ITGA11: variants seen among roughly 807,000 people sequenced by gnomAD.
The protein encoded by ITGA11 is integrin alpha-11.
ITGA11 carries 97 observed loss-of-function variants against 141.9 expected under a neutral mutation model. The observed-to-expected ratio is 0.68, with a 90% CI of 0.58 to 0.81. The LOEUF (loss-of-function observed/expected upper bound fraction) is 0.81. ITGA11 is among the 30% of genes least tolerant of loss of function. The pLI, the probability that ITGA11 is intolerant of heterozygous loss-of-function variation, is 0.00. For synonymous variants in ITGA11, 658 were observed against 624.6 expected (o/e 1.05, Z -0.80); for missense variants, 1,387 against 1,559.2 (o/e 0.89, Z 1.86).
At chr15:68,424,745 C>T (rs560951291) in intron 1 of ITGA11, among the ~76,000 whole-genome samples, 40 of 152,222 alleles carry the variant, frequency 2.6e-4, no homozygotes, top group African/African-American at 7.2e-4. Context: ...TTGGGGCTGC[C>T]GAAAGGCCAG....
rs1893928345 is a variant in ITGA11 at position 68,325,099 on chromosome 15, G to T, written c.2322+32C>A. On this transcript the variant is annotated intron_variant, in intron 18 of 29. Coordinates refer to ENST00000315757, the MANE Select transcript of ITGA11 (RefSeq NM_001004439.2). The surrounding 1 kb of genome is among the most constrained non-coding windows in gnomAD (Gnocchi z 5.5). ...AGGTGGAGGTGGGGGTGGGGTTCATGCCCGAGGTGCGTGCCCTGTACCGAG... is the reference window on the plus strand; with the variant it reads ...AGGTGGAGGTGGGGGTGGGGTTCATTCCCGAGGTGCGTGCCCTGTACCGAG... The T allele has an allele frequency of 6.6e-7, 1 of 1,524,032 alleles. No individual in the cohort carries two copies. The highest frequency in any genetic ancestry group is 1.4e-5 in the African/African-American group (1 of 73,254). 94.4% of individuals were successfully genotyped at this position (1,524,032 alleles called of 1,614,324 possible). A position where few individuals can be genotyped will look rare whatever the true frequency, so the allele number is the denominator to read the frequency against.
chr15:68,326,622 C>G lies in ITGA11; in HGVS notation c.2211+32G>C. On this transcript the variant is annotated intron_variant, in intron 17 of 29. Transcript: ENST00000315757. The surrounding 1 kb of genome is among the most constrained non-coding windows in gnomAD (Gnocchi z 6.8). ...CGGCAGATGCTCCTTCCTATAGGAG[C>G]TTGGGCTCTGCTGGTGGGGCTGCCA... The G allele has an allele frequency of 6.4e-7, 1 of 1,564,790 alleles. No individual in the cohort carries two copies.
rs1398862820 is a variant in ITGA11, at chr15:68,339,490, G to A, written c.1276+10C>T. The A allele has an allele frequency of 2.5e-6, 4 of 1,609,762 alleles. No homozygotes were observed. The highest frequency in any genetic ancestry group is 3.4e-6 in the Non-Finnish European group (4 of 1,178,042). ...CGACCCGCCAGCCTCCCCTCACTCT[G>A]CGCTCTTACCCAGGTATGCACCATG... is the stretch of plus-strand genomic sequence containing the variant. On this transcript the variant is annotated intron_variant, in intron 11 of 29. Transcript: ENST00000315757.
chr15:68,318,954 CT>C (rs1893695584), intron 20 of ITGA11, among the ~76,000 whole-genome samples: 1 of 152,246 alleles, frequency 6.6e-6, no homozygotes, highest in Admixed American at 6.5e-5. Context: ...GTGCCCAGCT[CT>C]GGACACAGAC....
In ITGA11 at chr15:68,321,036, C is replaced by T. The variant is rs1308304498; in HGVS notation, c.2408+382G>A. ...CTTTCCATCAGAAGGATTGGAAAGC[C>T]CAAGGTGTTCAGCCAGCGGGCCTAG... On this transcript the variant is annotated intron_variant, in intron 19 of 29. Coordinates refer to ENST00000315757, the MANE Select transcript of ITGA11 (RefSeq NM_001004439.2). This position sits in a 1 kb window ranked among gnomAD's most constrained non-coding sequence, Gnocchi z 4.9. Among the ~76,000 whole-genome samples, 1 of 152,092 alleles carries T rather than the reference C, an allele frequency of 6.6e-6. No homozygotes were observed. Among genetic ancestry groups the T allele is most frequent in the African/African-American group, 2.4e-5 (1 of 41,400 alleles).
intron 2 of ITGA11, among the ~76,000 whole-genome samples, chr15:68,377,371 C>T (rs1895755090): frequency 2.6e-5 from 4 of 152,170 alleles, no homozygotes; most frequent in Admixed American, 2.6e-4. Flanking sequence ...CCGCTGGGTT[C>T]AAGCAATTCT....
intron 10 of ITGA11, among the ~76,000 whole-genome samples, chr15:68,342,586 G>A (rs1894604394): frequency 1.3e-5 from 2 of 152,200 alleles, no homozygotes; most frequent in Non-Finnish European, 2.9e-5. Context: ...TCCCAGCTGA[G>A]CTGCGTGCTC....
At position 68,313,771 on chromosome 15, in the gene ITGA11, C is replaced by G. The variant is rs2271727; in HGVS notation, c.2882+8G>C. ...TCCCTCTCCTGGGGCCCCCGGAGCC[C>G]GGCCCACCTGGTGAAGAGGACGTCA... On this transcript the variant is annotated splice_region_variant and intron_variant, in intron 23 of 29. Coordinates refer to ENST00000315757, the MANE Select transcript of ITGA11 (RefSeq NM_001004439.2). 1 of 1,612,442 alleles carries G rather than the reference C, an allele frequency of 6.2e-7. No homozygotes were observed. Among genetic ancestry groups the G allele is most frequent in the Non-Finnish European group, 8.5e-7 (1 of 1,179,024 alleles).
At position 68,325,326 on chromosome 15, in the gene ITGA11, C is replaced by T. The variant is rs114785343; in HGVS notation, c.2212-85G>A. ...GACCGTGGATGCTGAGATAGAACTT[C>T]CACCTTCCTTAGATGGCAGGGCAGC... On this transcript the variant is annotated intron_variant, in intron 17 of 29. Coordinates refer to ENST00000315757, the MANE Select transcript of ITGA11 (RefSeq NM_001004439.2). The surrounding 1 kb of genome is among the most constrained non-coding windows in gnomAD (Gnocchi z 5.5). 1,288 of 923,682 alleles carry T rather than the reference C, an allele frequency of 1.4e-3. 8 individuals are homozygous for T. The African/African-American group carries it at 0.019, about 14-fold the overall frequency. 57.2% of individuals were successfully genotyped at this position (923,682 alleles called of 1,614,324 possible).
chr15:68,331,803 C>T, intron 14 of ITGA11, 56 bp downstream of exon 14: 3 of 1,451,716 alleles, frequency 2.1e-6, no homozygotes. Context: ...GCTCCTGGGA[C>T]TCCTGGGACT....
In ITGA11 at chr15:68,351,395, C is replaced by A; in HGVS notation, c.757G>T (p.Ala253Ser). ...AFGIEFARSE[A>S]FQKGGRKGAK... ...CCTTTCCTTCCACCCTTCTGGAAAG[C>A]CTCTGAGCTGGAAGCCAAGCACAGG... is the stretch of plus-strand genomic sequence containing the variant. The change falls in exon 8 of 30, where the codon GCT becomes TCT. Residue 253 changes from alanine to serine, a missense_variant. Transcript: ENST00000315757. 1 of 1,613,740 alleles carries A rather than the reference C, an allele frequency of 6.2e-7. No individual in the cohort carries two copies. Among genetic ancestry groups the A allele is most frequent in the Non-Finnish European group, 8.5e-7 (1 of 1,179,806 alleles).
chr15:68,386,850 C>T (rs569267255), intron 2 of ITGA11, among the ~76,000 whole-genome samples: 31 of 152,236 alleles, frequency 2.0e-4, no homozygotes, highest in African/African-American at 6.7e-4. Context: ...TCCCTCCTCT[C>T]GTGGGTACAA....
rs746332923 is a variant in ITGA11, at chr15:68,326,615, A to G, written c.2211+39T>C. On this transcript the variant is annotated intron_variant, in intron 17 of 29. Coordinates refer to ENST00000315757, the MANE Select transcript of ITGA11 (RefSeq NM_001004439.2). The surrounding 1 kb of genome is among the most constrained non-coding windows in gnomAD (Gnocchi z 6.8). ...TCTCCCACGGCAGATGCTCCTTCCT[A>G]TAGGAGCTTGGGCTCTGCTGGTGGG... is the stretch of plus-strand genomic sequence containing the variant. The G allele has an allele frequency of 5.2e-6, 8 of 1,551,454 alleles. No individual in the cohort carries two copies. In the East Asian group the frequency reaches 1.2e-4, roughly 23 times the overall value.
rs1215123496 is a variant in ITGA11 at position 68,298,053 on chromosome 15, A to G, written c.*5006T>C. The G allele has an allele frequency of 1.3e-5, 2 of 152,222 alleles. No individual in the cohort carries two copies. Among genetic ancestry groups the G allele is most frequent in the Non-Finnish European group, 2.9e-5 (2 of 68,040 alleles). 9.4% of individuals were successfully genotyped at this position (152,222 alleles called of 1,614,324 possible). On this transcript the variant is annotated 3_prime_UTR_variant, in exon 30 of 30. Transcript: ENST00000315757. ...TGCAATAACCTAGTGAGACTGCGGA[A>G]ATCATCCAGACAGGTTTTAAAACAT...
At position 68,305,763 on chromosome 15, in the gene ITGA11, G is replaced by A. The variant is rs1333776353; in HGVS notation, c.3381+1585C>T. ...AGCACACAGCTGGGGGCCAGCAAAT[G>A]GCAGGGCCCTTATGTGTGCTCTTTC... is the stretch of plus-strand genomic sequence containing the variant. On this transcript the variant is annotated intron_variant, in intron 28 of 29. Coordinates refer to ENST00000315757, the MANE Select transcript of ITGA11 (RefSeq NM_001004439.2). This position sits in a 1 kb window ranked among gnomAD's most constrained non-coding sequence, Gnocchi z 4.6. Among the ~76,000 whole-genome samples, 1 of 152,200 alleles carries A rather than the reference G, an allele frequency of 6.6e-6. No individual in the cohort carries two copies. The highest frequency in any genetic ancestry group is 6.5e-5 in the Admixed American group (1 of 15,280).
chr15:68,424,009 C>T (rs903554230), intron 1 of ITGA11, among the ~76,000 whole-genome samples: 6 of 152,210 alleles, frequency 3.9e-5, no homozygotes, highest in Admixed American at 6.5e-5. Flanking sequence ...GCCCCAGTGC[C>T]GGTGCATCTG....
intron 1 of ITGA11, among the ~76,000 whole-genome samples, chr15:68,414,667 G>A (rs544522022): frequency 6.6e-6 from 1 of 152,298 alleles, no homozygotes; most frequent in Admixed American, 6.5e-5. Flanking sequence ...GAGGGGAGGA[G>A]CAGGCAGACT....
chr15:68,334,803 A>C (rs1894292691), intron 12 of ITGA11, among the ~76,000 whole-genome samples: 1 of 152,182 alleles, frequency 6.6e-6, no homozygotes, highest in Non-Finnish European at 1.5e-5. Flanking sequence ...ATTCATCAGC[A>C]AATTCCCTCC....
chr15:68,359,466 C>G (rs1268042460), intron 5 of ITGA11, among the ~76,000 whole-genome samples: 3 of 152,018 alleles, frequency 2.0e-5, no homozygotes, highest in Admixed American at 6.5e-5. Flanking sequence ...GCCAACATGG[C>G]GAAACCCCGT....
Sources: gnomAD v4.1 joint callset for allele counts (sites outside exome capture counted in the v4.1 genomes callset) on GRCh38, gnomAD v4.1.1 for gene constraint, Gnocchi (gnomAD v3.1) non-coding constraint, MANE v1.5 for transcripts, NCBI Gene and HGNC (gene_info 2026-07-23, HGNC 2026-07-21) for gene names.